VIPAS39: variants seen among roughly 807,000 people sequenced by gnomAD.
VIPAS39 encodes spermatogenesis-defective protein 39 homolog.
A neutral mutation model predicts 84.7 loss-of-function variants in VIPAS39; 63 were observed. The ratio of observed to expected loss-of-function variants is 0.74; its 90% CI spans 0.61 to 0.92. The LOEUF (loss-of-function observed/expected upper bound fraction) is 0.92. Among genes scored for constraint, VIPAS39 ranks in the 40% least tolerant of loss-of-function variants. VIPAS39 has a pLI of 0.00. For synonymous variants in VIPAS39, 192 were observed against 216.5 expected (o/e 0.89, Z 0.99); for missense variants, 499 against 604.5 (o/e 0.83, Z 1.83).
chr14:77,444,103 C>T, intron 8 of VIPAS39, 146 bp downstream of exon 8: 2 of 812,144 alleles, frequency 2.5e-6, no homozygotes, highest in Admixed American at 2.1e-5. Flanking sequence ...GCCCTTAAAG[C>T]ACAGATTACT....
Position 77,427,510 on chromosome 14 carries a change from T to C in VIPAS39, c.*106A>G, listed in dbSNP as rs770663618. On this transcript the variant is annotated 3_prime_UTR_variant, in exon 20 of 20. Coordinates refer to ENST00000557658, the MANE Select transcript of VIPAS39 (RefSeq NM_001193315.2). The stretch of plus-strand genomic sequence containing the variant: ...AGTAGCTGGCACTGCCCATGGGTAA[T>C]GGGCCCAAGCGATGTGATGCCGCAG... 15 of 1,449,108 alleles carry C rather than the reference T, an allele frequency of 1.0e-5. No individual in the cohort carries two copies. The highest frequency in any genetic ancestry group is 1.5e-5 in the Non-Finnish European group (15 of 1,032,202). 89.8% of individuals were successfully genotyped at this position (1,449,108 alleles called of 1,614,324 possible).
chr14:77,436,634 A>G (rs1030599649), intron 12 of VIPAS39, among the ~76,000 whole-genome samples: 2 of 152,088 alleles, frequency 1.3e-5, no homozygotes, highest in African/African-American at 4.8e-5. Flanking sequence ...TAGTAGAGAC[A>G]GGGTTTCACC....
At chr14:77,456,604 G>A (rs768059928) in intron 1 of VIPAS39, among the ~76,000 whole-genome samples, 9 of 152,180 alleles carry the variant, frequency 5.9e-5, no homozygotes, top group Non-Finnish European at 1.3e-4. Flanking sequence ...AGGCTTTCTG[G>A]CTCCTAGACC....
intron 1 of VIPAS39, 118 bp downstream of exon 1, chr14:77,457,377 G>C (rs2078976470): frequency 1.3e-6 from 2 of 1,535,562 alleles, no homozygotes; most frequent in Non-Finnish European, 1.7e-6. Flanking sequence ...TGAAAGAAGA[G>C]AATCAGGCCT....
In VIPAS39 at chr14:77,448,519, G is replaced by C. The variant is rs1555367578; in HGVS notation, c.479C>G (p.Thr160Arg). ...DYSNDWSPSD[T>R]VRRLRKGKVC... ...CTTGCCCTTCCGGAGACGTCGCACT[G>C]TATCACTGGGGCTCCAGTCATTGCT... Residue 160 changes from threonine (T) to arginine (R), a missense_variant, in exon 7 of 20, where the codon ACA becomes AGA. Thr to Arg is a moderately conservative substitution (Grantham distance 71). Transcript: ENST00000557658. 5.0e-6 allele frequency: 8 copies of C among 1,614,194 alleles called. No homozygotes were observed. The highest frequency in any genetic ancestry group is 6.8e-6 in the Non-Finnish European group (8 of 1,180,014).
chr14:77,441,562 C>T (rs189294034), intron 10 of VIPAS39, among the ~76,000 whole-genome samples: 2 of 152,230 alleles, frequency 1.3e-5, no homozygotes, highest in African/African-American at 2.4e-5. Flanking sequence ...ATTAACATTA[C>T]CATTTTGGCA....
intron 10 of VIPAS39, among the ~76,000 whole-genome samples, chr14:77,442,354 A>C (rs1377021404): frequency 6.6e-6 from 1 of 152,214 alleles, no homozygotes; most frequent in Admixed American, 6.5e-5. Flanking sequence ...ACCCAAGTGC[A>C]TGTGACTCCA....
At chr14:77,449,620 T>C in intron 5 of VIPAS39, 94 bp downstream of exon 5, 1 of 1,513,870 alleles carries the variant, frequency 6.6e-7, no homozygotes, top group Non-Finnish European at 9.2e-7. Context: ...AAAGTTCATC[T>C]TGTCATCTAA....
intron 12 of VIPAS39, among the ~76,000 whole-genome samples, chr14:77,436,563 G>A (rs2078614850): frequency 6.6e-6 from 1 of 152,132 alleles, no homozygotes; most frequent in African/African-American, 2.4e-5. Flanking sequence ...TCCTGCCTCA[G>A]CCTCCAGAGT....
chr14:77,428,333 C>A (rs1187563278), intron 19 of VIPAS39, 37 bp downstream of exon 19: 2 of 1,585,386 alleles, frequency 1.3e-6, no homozygotes, highest in African/African-American at 1.3e-5. Context: ...CTGTCTGTCT[C>A]CTGAGCCTGC....
intron 1 of VIPAS39, among the ~76,000 whole-genome samples, chr14:77,455,594 A>G (rs1429101992): frequency 6.6e-6 from 1 of 152,230 alleles, no homozygotes; most frequent in Non-Finnish European, 1.5e-5. Context: ...ACAGCACCAA[A>G]AATAACTGTA....
chr14:77,428,502 C>T, intron 18 of VIPAS39, 28 bp from the exon 19 acceptor site: 2 of 1,604,798 alleles, frequency 1.2e-6, no homozygotes, highest in Non-Finnish European at 1.7e-6. Flanking sequence ...CAATACAAAC[C>T]TCCAATCAGC....
rs1333080340 is a variant in VIPAS39 at position 77,457,081 on chromosome 14, C to T, written c.-1+414G>A. ...ACATGCTCCCTGCCTCAGAAAACTCCAAAAACCACCTACTGAGAAGTCAGA... is the reference window on the plus strand; with the variant it reads ...ACATGCTCCCTGCCTCAGAAAACTCTAAAAACCACCTACTGAGAAGTCAGA... On this transcript the variant is annotated intron_variant, in intron 1 of 19. Coordinates refer to ENST00000557658, the MANE Select transcript of VIPAS39 (RefSeq NM_001193315.2). 6.5e-6 allele frequency: 9 copies of T among 1,394,484 alleles called. No individual in the cohort carries two copies. In the South Asian group the frequency reaches 1.3e-4, roughly 20 times the overall value. The allele number at this position is 1,394,484 out of a possible 1,614,324, so 86.4% of individuals were successfully genotyped here. A position where few individuals can be genotyped will look rare whatever the true frequency, so the allele number is the denominator to read the frequency against.
At chr14:77,449,388 G>A in intron 5 of VIPAS39, 31 bp from the exon 6 acceptor site, 1 of 1,612,530 alleles carries the variant, frequency 6.2e-7, no homozygotes, top group Non-Finnish European at 8.5e-7. Context: ...GGTTCAGAAG[G>A]GCACCATGAA....
chr14:77,435,063 A>C lies in VIPAS39; in HGVS notation c.1047+196T>G. On this transcript the variant is annotated intron_variant, in intron 14 of 19. Coordinates refer to ENST00000557658, the MANE Select transcript of VIPAS39 (RefSeq NM_001193315.2). ...CTAGCATGCCAGCTCACTTGAAGCT[A>C]CAAACCTTACAAACCTCTTTTCCCT... 9.6e-6 allele frequency: 7 copies of C among 730,972 alleles called. No individual in the cohort carries two copies. The South Asian group carries it at 1.2e-4, about 13-fold the overall frequency. 45.3% of individuals were successfully genotyped at this position (730,972 alleles called of 1,614,324 possible).
At chr14:77,448,644 A>C (rs964073736) in intron 6 of VIPAS39, 94 bp from the exon 7 acceptor site, 30 of 1,309,140 alleles carry the variant, frequency 2.3e-5, no homozygotes, top group Non-Finnish European at 3.2e-5. Context: ...TTAGTGTCTA[A>C]GGGGGAAATA....
chr14:77,430,725 A>G (rs78566689), intron 16 of VIPAS39, among the ~76,000 whole-genome samples: 1 of 11,228 alleles, frequency 8.9e-5, no homozygotes, highest in African/African-American at 1.1e-4. Context: ...TCAAAAAAGA[A>G]AAAAAAAAAA....
At chr14:77,431,700 C>T (rs1261882415) in intron 16 of VIPAS39, among the ~76,000 whole-genome samples, 2 of 152,078 alleles carry the variant, frequency 1.3e-5, no homozygotes, top group Non-Finnish European at 2.9e-5. Context: ...AAAAATAGAA[C>T]TATCATATGA....
intron 12 of VIPAS39, among the ~76,000 whole-genome samples, chr14:77,437,591 C>T (rs2078633432): frequency 6.6e-6 from 1 of 152,086 alleles, no homozygotes; most frequent in African/African-American, 2.4e-5. Context: ...AATCTCTCTA[C>T]ATTTGTCTTT....
Sources: gnomAD v4.1 joint callset for allele counts (sites outside exome capture counted in the v4.1 genomes callset) on GRCh38, gnomAD v4.1.1 for gene constraint, MANE v1.5 for transcripts, NCBI Gene and HGNC (gene_info 2026-07-23, HGNC 2026-07-21) for gene names.